Variants in WDFY1 observed in about 807,000 individuals in gnomAD.
The protein encoded by WDFY1 is WD repeat and FYVE domain containing 1.
A neutral mutation model predicts 56.4 loss-of-function variants in WDFY1; 32 were observed. The ratio of observed to expected loss-of-function variants is 0.57; its 90% CI spans 0.43 to 0.76. The LOEUF is 0.76. WDFY1 is among the 30% of genes least tolerant of loss of function. WDFY1 has a pLI of 0.00. For synonymous variants in WDFY1, 192 were observed against 197.3 expected, an observed-to-expected ratio of 0.97 and a Z score of 0.23; for missense variants, 480 against 545.7, an observed-to-expected ratio of 0.88 and a Z score of 1.20.
At chr2:223,895,307 T>C (rs1466148692) in intron 7 of WDFY1, among the ~76,000 whole-genome samples, 197 bp downstream of exon 7, 1 of 151,944 alleles carries the variant, frequency 6.6e-6, no homozygotes, top group African/African-American at 2.4e-5. Flanking sequence ...TGTTTGTTTG[T>C]TTTGTTTAGT....
intron 1 of WDFY1, among the ~76,000 whole-genome samples, chr2:223,944,868 G>A (rs904234538): frequency 2.0e-5 from 3 of 151,276 alleles, no homozygotes; most frequent in Non-Finnish European, 4.4e-5. Context: ...GCGGCGCGGT[G>A]AGACGGAGTT....
At chr2:223,921,671 G>A (rs1402053361) in intron 1 of WDFY1, among the ~76,000 whole-genome samples, 1 of 151,876 alleles carries the variant, frequency 6.6e-6, no homozygotes, top group Non-Finnish European at 1.5e-5. Flanking sequence ...GCTCACTGAA[G>A]CCTCGAACTC....
chr2:223,923,888 T>C (rs1371055078), intron 1 of WDFY1, among the ~76,000 whole-genome samples: 2 of 152,258 alleles, frequency 1.3e-5, no homozygotes, highest in Non-Finnish European at 2.9e-5. Context: ...TCCACTAAGA[T>C]AAAACAGCTT....
At chr2:223,929,172 T>C (rs1159998223) in intron 1 of WDFY1, among the ~76,000 whole-genome samples, 2 of 115,788 alleles carry the variant, frequency 1.7e-5, no homozygotes, top group Middle Eastern at 4.9e-3. Flanking sequence ...TTCTTTTTTT[T>C]TTTCTTTCTG....
chr2:223,943,444 A>C (rs1363007924), intron 1 of WDFY1, among the ~76,000 whole-genome samples: 3 of 152,214 alleles, frequency 2.0e-5, no homozygotes, highest in Non-Finnish European at 4.4e-5. Context: ...CCAAAGGACC[A>C]ACAGGAGTTG....
At chr2:223,930,237 A>C (rs1694052494) in intron 1 of WDFY1, among the ~76,000 whole-genome samples, 1 of 152,216 alleles carries the variant, frequency 6.6e-6, no homozygotes, top group Non-Finnish European at 1.5e-5. Flanking sequence ...TTAAAAAACA[A>C]TGTGCTCAAT....
chr2:223,941,083 A>G (rs2106106542), intron 1 of WDFY1, among the ~76,000 whole-genome samples: 1 of 152,218 alleles, frequency 6.6e-6, no homozygotes, highest in East Asian at 1.9e-4. Flanking sequence ...CGGCCTCCCA[A>G]AGTGCTGGAA....
intron 1 of WDFY1, among the ~76,000 whole-genome samples, chr2:223,944,559 C>A (rs1325841720): frequency 2.0e-5 from 3 of 150,612 alleles, no homozygotes; most frequent in African/African-American, 7.4e-5. Flanking sequence ...TGGAGAGGTG[C>A]GTTGGGGCGC....
chr2:223,882,095 GA>G, intron 9 of WDFY1, 23 bp from the exon 10 acceptor site: 1 of 1,608,374 alleles, frequency 6.2e-7, no homozygotes, highest in Non-Finnish European at 8.5e-7. Flanking sequence ...CCGGGAGGAG[GA>G]AAACAGGGTG....
intron 1 of WDFY1, among the ~76,000 whole-genome samples, chr2:223,929,167 T>C (rs1694034353): frequency 8.0e-6 from 1 of 124,296 alleles, no homozygotes; most frequent in East Asian, 2.1e-4. Flanking sequence ...CTAACTTCTT[T>C]TTTTTTTTCT....
intron 8 of WDFY1, among the ~76,000 whole-genome samples, chr2:223,886,054 A>G (rs1277063895): frequency 2.0e-5 from 3 of 152,240 alleles, no homozygotes; most frequent in Admixed American, 6.5e-5. Context: ...TAAAAAACTT[A>G]GAAAATAGGC....
At chr2:223,924,768 G>T (rs537182907) in intron 1 of WDFY1, among the ~76,000 whole-genome samples, 4 of 152,224 alleles carry the variant, frequency 2.6e-5, no homozygotes, top group African/African-American at 9.6e-5. Context: ...AAATGTTTCA[G>T]ATTAAAATGT....
intron 8 of WDFY1, among the ~76,000 whole-genome samples, chr2:223,890,283 C>G (rs957954321): frequency 5.3e-5 from 8 of 152,072 alleles, no homozygotes; most frequent in African/African-American, 1.9e-4. Flanking sequence ...ACCAGCCTGG[C>G]CAACATGGTG....
intron 3 of WDFY1, among the ~76,000 whole-genome samples, chr2:223,906,920 T>G (rs2106085811): frequency 6.6e-6 from 1 of 151,268 alleles, no homozygotes; most frequent in Non-Finnish European, 1.5e-5. Flanking sequence ...GCTATGAAGA[T>G]AAAACTCTAA....
At chr2:223,908,182 A>G (rs1693634106) in intron 3 of WDFY1, among the ~76,000 whole-genome samples, 1 of 152,148 alleles carries the variant, frequency 6.6e-6, no homozygotes, top group Non-Finnish European at 1.5e-5. Context: ...ATTAAAAAAT[A>G]AATACATAAA....
Position 223,878,722 on chromosome 2 carries a change from G to C in WDFY1, c.1182C>G (p.Asp394Glu), listed in dbSNP as rs1559160472. The C allele has an allele frequency of 6.2e-7, 1 of 1,613,750 alleles. No individual in the cohort carries two copies. The highest frequency in any genetic ancestry group is 1.7e-4 in the Middle Eastern group (1 of 6,058). ...CGTDRIVKIW[D>E]MTPVVGCSLA... ...GACTGCAGCCCACCACAGGTGTCAT[G>C]TCCCAGATCTACAAGGAAGGAAGAA... Residue 394 changes from aspartate (D) to glutamate (E), a missense_variant, in exon 12 of 12, where the codon GAC becomes GAG. Physicochemically the swap from Asp to Glu is conservative, Grantham distance 45. Transcript: ENST00000233055.
At chr2:223,888,369 T>C (rs576199583) in intron 8 of WDFY1, among the ~76,000 whole-genome samples, 1 of 151,440 alleles carries the variant, frequency 6.6e-6, no homozygotes, top group South Asian at 2.1e-4. Flanking sequence ...TGCCCAGCTG[T>C]ACATTTTCAT....
At chr2:223,887,931 G>C in intron 8 of WDFY1, among the ~76,000 whole-genome samples, 1 of 152,112 alleles carries the variant, frequency 6.6e-6, no homozygotes, top group East Asian at 1.9e-4. Context: ...AGAATTGAAG[G>C]CAAGAACATA....
intron 8 of WDFY1, among the ~76,000 whole-genome samples, chr2:223,885,046 TGGC>T (rs1004961030): frequency 1.3e-5 from 2 of 152,082 alleles, no homozygotes; most frequent in Admixed American, 1.3e-4. Context: ...TTTGCCATGT[TGGC>T]CAGGCTGGTC....
Sources: allele counts gnomAD v4.1 joint callset (sites outside exome capture counted in the v4.1 genomes callset), GRCh38; gene constraint gnomAD v4.1.1; transcripts MANE v1.5; gene names NCBI Gene and HGNC (gene_info 2026-07-23, HGNC 2026-07-21).